NEBL: variants seen among roughly 807,000 people sequenced by gnomAD.
The protein encoded by NEBL is nebulette.
NEBL carries 122 observed loss-of-function variants against 140.2 expected under a neutral mutation model. That is an observed-to-expected ratio of 0.87 (90% CI 0.75 to 1.01). The LOEUF (loss-of-function observed/expected upper bound fraction) is 1.01, where lower values mean the gene tolerates loss of function less well. NEBL is among the 50% of genes least tolerant of loss of function. The pLI is 0.00. For synonymous variants in NEBL, 436 were observed against 398.9 expected, an observed-to-expected ratio of 1.09 and a Z score of -1.11; for missense variants, 1,365 against 1,231.3, an observed-to-expected ratio of 1.11 and a Z score of -1.62.
At chr10:20,891,392 A>G (rs949650548) in intron 2 of NEBL, among the ~76,000 whole-genome samples, 4 of 152,258 alleles carry the variant, frequency 2.6e-5, no homozygotes, top group African/African-American at 9.6e-5. Flanking sequence ...TATGATAAAT[A>G]GTAGGCTATT....
At chr10:20,951,848 A>G (rs1402496278) in intron 4 of NEBL, among the ~76,000 whole-genome samples, 1 of 152,216 alleles carries the variant, frequency 6.6e-6, no homozygotes, top group African/African-American at 2.4e-5. Flanking sequence ...AAATTTAGAT[A>G]CTTTCAAAGT....
At chr10:21,268,475 T>G (rs1473753173) in intron 1 of NEBL, among the ~76,000 whole-genome samples, 1 of 151,986 alleles carries the variant, frequency 6.6e-6, no homozygotes, top group Non-Finnish European at 1.5e-5. Flanking sequence ...AGAGCAAGGC[T>G]CTATCTCTAA....
intron 3 of NEBL, among the ~76,000 whole-genome samples, chr10:20,980,630 G>C (rs553682160): frequency 9.9e-4 from 151 of 152,044 alleles, no homozygotes; most frequent in African/African-American, 3.5e-3. Context: ...AGAACAGAGA[G>C]AGCCTCTATA....
At chr10:20,883,798 G>A (rs1300099803) in intron 4 of NEBL, among the ~76,000 whole-genome samples, 1 of 152,130 alleles carries the variant, frequency 6.6e-6, no homozygotes, top group Admixed American at 6.5e-5. Context: ...TCTTAAAAAG[G>A]CTATGTAATT....
At chr10:21,181,240 G>A (rs187183184) in intron 3 of NEBL, among the ~76,000 whole-genome samples, 37 of 149,028 alleles carry the variant, frequency 2.5e-4, no homozygotes, top group African/African-American at 1.2e-4. Context: ...GTCAACCTTG[G>A]CAACAAAAGT....
At chr10:21,122,314 C>G (rs1564518752) in intron 2 of NEBL, among the ~76,000 whole-genome samples, 1 of 152,036 alleles carries the variant, frequency 6.6e-6, no homozygotes, top group Non-Finnish European at 1.5e-5. Flanking sequence ...GCATGAGCCA[C>G]CACGCCCAGC....
Position 21,063,197 on chromosome 10 carries a change from G to A in NEBL, c.165-42996C>T, listed in dbSNP as rs114505194. On this transcript the variant is annotated intron_variant, in intron 2 of 6. Transcript: ENST00000417816. ...ATGGCCCTCTTAACCCCATGCACAC[G>A]CAGTTCCGATCTTGCTCCCCCATAC... 2.3e-3 allele frequency among the ~76,000 whole-genome samples: 347 copies of A among 152,206 alleles called. 1 individual carries two copies. The highest frequency in any genetic ancestry group is 7.9e-3 in the African/African-American group (330 of 41,550).
intron 2 of NEBL, among the ~76,000 whole-genome samples, chr10:21,080,530 C>T (rs138711805): frequency 0.015 from 2,308 of 152,220 alleles, 70 homozygotes; most frequent in African/African-American, 0.052. Context: ...TGAAGTTAGC[C>T]TTGGATCTTA....
chr10:21,266,151 G>A (rs1178224756), intron 1 of NEBL, among the ~76,000 whole-genome samples: 4 of 151,326 alleles, frequency 2.6e-5, no homozygotes, highest in African/African-American at 7.3e-5. Context: ...TTTTGTTTTT[G>A]TTTTGTTGAG....
chr10:20,871,705 C>T (rs554201534), intron 5 of NEBL, among the ~76,000 whole-genome samples: 1 of 152,214 alleles, frequency 6.6e-6, no homozygotes, highest in South Asian at 2.1e-4. Flanking sequence ...TTTATATTTT[C>T]AGAGGTTTTA....
intron 2 of NEBL, among the ~76,000 whole-genome samples, chr10:21,048,652 A>C (rs370629946): frequency 6.6e-6 from 1 of 152,236 alleles, no homozygotes; most frequent in African/African-American, 2.4e-5. Flanking sequence ...TGGCAAGTCC[A>C]AAATCTGCAG....
At chr10:21,030,111 A>T (rs1390413211) in intron 2 of NEBL, 6 of 475,628 alleles carry the variant, frequency 1.3e-5, no homozygotes, top group African/African-American at 1.2e-4. Context: ...AAGCCCGTTG[A>T]TAGAGCTGCT....
chr10:20,814,069 A>T, intron 22 of NEBL, 26 bp from the exon 23 acceptor site: 1 of 1,372,744 alleles, frequency 7.3e-7, no homozygotes, highest in Non-Finnish European at 1.0e-6. Flanking sequence ...TAGGCATAAG[A>T]CAATGATAAG....
chr10:21,124,403 G>A (rs1838718827), intron 2 of NEBL, among the ~76,000 whole-genome samples: 1 of 152,154 alleles, frequency 6.6e-6, no homozygotes, highest in Non-Finnish European at 1.5e-5. Context: ...TCCACTTGCT[G>A]AACCATTATA....
intron 2 of NEBL, among the ~76,000 whole-genome samples, chr10:21,105,814 G>A (rs1404787252): frequency 6.6e-6 from 1 of 152,152 alleles, no homozygotes; most frequent in Non-Finnish European, 1.5e-5. Context: ...CCGTGTAAAA[G>A]CGTTCCTATT....
chr10:20,828,450 TCAGA>T (rs1749980381), intron 17 of NEBL, 76 bp downstream of exon 17: 1 of 889,192 alleles, frequency 1.1e-6, no homozygotes, highest in South Asian at 1.4e-5. Context: ...GCAGAAAACA[TCAGA>T]CAATGAGGAA....
At chr10:20,824,589 C>T (rs1053711955) in intron 18 of NEBL, among the ~76,000 whole-genome samples, 3 of 152,142 alleles carry the variant, frequency 2.0e-5, no homozygotes, top group African/African-American at 7.2e-5. Flanking sequence ...ACAGATCTAG[C>T]TAATCTTAAA....
At chr10:21,240,725 A>G (rs1485397665) in intron 3 of NEBL, among the ~76,000 whole-genome samples, 7 of 152,226 alleles carry the variant, frequency 4.6e-5, no homozygotes, top group African/African-American at 1.7e-4. Context: ...CATTTCTAAC[A>G]AATGATGTTA....
Position 20,872,336 on chromosome 10 carries a change from G to A in NEBL, c.481-2495C>T, listed in dbSNP as rs535937383. Among the ~76,000 whole-genome samples, 8 of 152,232 alleles carry A rather than the reference G, an allele frequency of 5.3e-5. No homozygotes were observed. The East Asian group carries it at 1.5e-3, about 29-fold the overall frequency. On this transcript the variant is annotated intron_variant, in intron 5 of 27. Coordinates refer to ENST00000377122, the MANE Select transcript of NEBL (RefSeq NM_006393.3). Reference sequence around the variant, plus strand: ...ACACCACGGAGCCACACAGAAAAAAGCTTCCGCGCCTGATCACTTGTCAGA... The same window carrying A: ...ACACCACGGAGCCACACAGAAAAAAACTTCCGCGCCTGATCACTTGTCAGA...
Sources: gnomAD v4.1 joint callset for allele counts (sites outside exome capture counted in the v4.1 genomes callset) on GRCh38, gnomAD v4.1.1 for gene constraint, MANE v1.5 for transcripts, NCBI Gene and HGNC (gene_info 2026-07-23, HGNC 2026-07-21) for gene names.